The following TRIM2 variants were observed in gnomAD, a reference collection of about 807,000 sequenced individuals.
TRIM2 encodes the protein tripartite motif containing 2.
TRIM2 carries 20 observed loss-of-function variants against 75.2 expected under a neutral mutation model. The observed-to-expected ratio is 0.27, with a 90% CI of 0.19 to 0.39. The LOEUF (loss-of-function observed/expected upper bound fraction) is 0.39, where lower values mean the gene tolerates loss of function less well. Ranked by LOEUF, TRIM2 falls within the 10% of genes least tolerant of loss-of-function variation. The pLI is 1.00. For synonymous variants in TRIM2, 373 were observed against 388.3 expected (o/e 0.96, Z 0.46); for missense variants, 660 against 990.8 (o/e 0.67, Z 4.48).
intron 6 of TRIM2, among the ~76,000 whole-genome samples, chr4:153,297,196 G>T (rs1017244514): frequency 6.6e-6 from 1 of 152,162 alleles, no homozygotes; most frequent in East Asian, 1.9e-4. Flanking sequence ...TCTTCGCAAA[G>T]ACGGTGATAT....
chr4:153,213,327 T>C (rs1054853436), intron 1 of TRIM2, among the ~76,000 whole-genome samples: 1 of 152,252 alleles, frequency 6.6e-6, no homozygotes, highest in African/African-American at 2.4e-5. Flanking sequence ...AAAATATGTC[T>C]TCATGCTTCT....
At chr4:153,206,063 G>A (rs1018235794) in intron 1 of TRIM2, among the ~76,000 whole-genome samples, 51 of 152,220 alleles carry the variant, frequency 3.4e-4, no homozygotes, top group African/African-American at 1.1e-3. Flanking sequence ...CACCCTCCAG[G>A]CCCACCGCAG....
chr4:153,227,625 G>C (rs1178153503), intron 1 of TRIM2, among the ~76,000 whole-genome samples: 1 of 152,168 alleles, frequency 6.6e-6, no homozygotes, highest in Non-Finnish European at 1.5e-5. Flanking sequence ...CATTGAATGG[G>C]ATTTGCATCT....
At chr4:153,245,967 C>T (rs1157519205) in intron 1 of TRIM2, among the ~76,000 whole-genome samples, 1 of 152,196 alleles carries the variant, frequency 6.6e-6, no homozygotes, top group African/African-American at 2.4e-5. Context: ...GCATGAGGCA[C>T]CACACCCAGC....
chr4:153,318,823 T>C (rs1468738963), intron 8 of TRIM2, among the ~76,000 whole-genome samples: 2 of 152,180 alleles, frequency 1.3e-5, no homozygotes, highest in African/African-American at 2.4e-5. Flanking sequence ...TAGACACTCT[T>C]AGAAGAACTG....
upstream of TRIM2, among the ~76,000 whole-genome samples, chr4:153,200,825 A>G (rs186609784): frequency 5.2e-4 from 49 of 94,430 alleles, 1 homozygote; most frequent in Middle Eastern, 6.5e-3. Flanking sequence ...TATTGTTATT[A>G]TTTTTTAATA....
At chr4:153,249,463 T>C (rs1274048345) in intron 1 of TRIM2, among the ~76,000 whole-genome samples, 1 of 152,260 alleles carries the variant, frequency 6.6e-6, no homozygotes, top group African/African-American at 2.4e-5. Context: ...ATTTGGTCAG[T>C]AGAGAGGAAC....
rs1560873094 is a variant in TRIM2 at position 153,244,259 on chromosome 4, C to CCTCT, written c.31-26076_31-26075insCTCT. 2.6e-3 allele frequency among the ~76,000 whole-genome samples: 34 copies of CCTCT among 12,966 alleles called. 6 individuals carry two copies. The highest frequency in any genetic ancestry group is 5.1e-3 in the African/African-American group (19 of 3,702). The allele number at this position is 12,966 out of a possible 152,430, so 8.5% of individuals were successfully genotyped here. A position where few individuals can be genotyped will look rare whatever the true frequency, so the allele number is the denominator to read the frequency against. On this transcript the variant is annotated intron_variant, in intron 1 of 11. Transcript: ENST00000338700. ...CTCTTCTCCTTCCTCTTCTTTCCTC[C>CCTCT]TCCTCCTCCTCCTCCTCCTCCTCCT...
At chr4:153,216,073 A>G (rs1291235567) in intron 1 of TRIM2, among the ~76,000 whole-genome samples, 1 of 152,192 alleles carries the variant, frequency 6.6e-6, no homozygotes, top group African/African-American at 2.4e-5. Flanking sequence ...AGCAATTGAG[A>G]AAAATCACCA....
At chr4:153,284,012 G>A (rs1010205570) in intron 3 of TRIM2, among the ~76,000 whole-genome samples, 2 of 151,042 alleles carry the variant, frequency 1.3e-5, no homozygotes, top group Non-Finnish European at 1.5e-5. Flanking sequence ...TGGGATTACA[G>A]GTGCATGTCA....
At chr4:153,247,690 A>AAC (rs1749617326) in intron 1 of TRIM2, among the ~76,000 whole-genome samples, 1 of 150,514 alleles carries the variant, frequency 6.6e-6, no homozygotes, top group African/African-American at 2.5e-5. Context: ...AAAAAAAAAA[A>AAC]AAAAAAAAAA....
chr4:153,237,666 C>T (rs184348303), intron 1 of TRIM2, among the ~76,000 whole-genome samples: 23 of 151,144 alleles, frequency 1.5e-4, no homozygotes, highest in African/African-American at 5.4e-4. Context: ...GGCGACAGTG[C>T]GAGACTCCGA....
In TRIM2 at chr4:153,295,598, A is replaced by G; in HGVS notation, c.1072A>G (p.Thr358Ala). ...CGCCGTTGCCTCAGAGACAGTGGCC[A>G]CGGGCGAGGGGCTGCGGCAGACCAT... ...TNAVASETVA[T>A]GEGLRQTIIG... The change falls in exon 6 of 12, where the codon ACG (threonine) becomes GCG (alanine). Residue 358 changes from threonine to alanine, a missense_variant. This residue lies in a region of TRIM2 where 620 missense variants were observed against 891.0 expected (regional missense o/e 0.70). Transcript: ENST00000338700. This position sits in a 1 kb window ranked among gnomAD's most constrained non-coding sequence, Gnocchi z 7.2. The G allele has an allele frequency of 1.2e-6, 2 of 1,613,926 alleles. No individual in the cohort carries two copies. The highest frequency in any genetic ancestry group is 1.7e-6 in the Non-Finnish European group (2 of 1,179,972).
At chr4:153,306,047 C>T (rs1210165213) in intron 6 of TRIM2, among the ~76,000 whole-genome samples, 1 of 151,206 alleles carries the variant, frequency 6.6e-6, no homozygotes, top group African/African-American at 2.4e-5. Context: ...GAGAATCGCT[C>T]GAACCCGGGA....
intron 6 of TRIM2, among the ~76,000 whole-genome samples, chr4:153,300,398 G>C (rs1055701570): frequency 3.9e-5 from 6 of 152,030 alleles, no homozygotes; most frequent in African/African-American, 1.4e-4. Context: ...TCCCACTTCA[G>C]CCTCTCAAGT....
At chr4:153,184,316 C>A (rs1203268675) in intron 1 of TRIM2, among the ~76,000 whole-genome samples, 3 of 152,160 alleles carry the variant, frequency 2.0e-5, no homozygotes, top group African/African-American at 7.2e-5. Flanking sequence ...TGACTATGTG[C>A]TTACATGGCC....
chr4:153,304,410 G>A lies in TRIM2; in HGVS notation c.1510+8374G>A, dbSNP rs1010322608. ...ATTACAGGCGTGAGCCACCATGCCCGGCCCCTTGAGATGACATTTAAATTT... is the reference window on the plus strand; with the variant it reads ...ATTACAGGCGTGAGCCACCATGCCCAGCCCCTTGAGATGACATTTAAATTT... On this transcript the variant is annotated intron_variant, in intron 6 of 11. Transcript: ENST00000338700. Among the ~76,000 whole-genome samples, 10 of 152,124 alleles carry A rather than the reference G, an allele frequency of 6.6e-5. No homozygotes were observed. The East Asian group carries it at 1.5e-3, about 24-fold the overall frequency.
rs575888639 is a variant in TRIM2 at position 153,170,456 on chromosome 4, A to G, written c.-49+17186A>G. Among the ~76,000 whole-genome samples the G allele has an allele frequency of 4.6e-5, 7 of 152,206 alleles. No individual in the cohort carries two copies. In the East Asian group the frequency reaches 1.4e-3, roughly 29 times the overall value. ...GCATTGTGGCTATAAAAGGGGTGGT[A>G]TTGGGGGTGGCGGCAGGGAGCAGAT... On this transcript the variant is annotated intron_variant, in intron 1 of 11. Coordinates refer to the TRIM2 transcript ENST00000437508.
At chr4:153,195,131 T>G (rs987049943) in intron 1 of TRIM2, among the ~76,000 whole-genome samples, 1 of 152,174 alleles carries the variant, frequency 6.6e-6, no homozygotes, top group Non-Finnish European at 1.5e-5. Context: ...GTGATTGTCC[T>G]CATGAGAGAT....
Sources: allele counts gnomAD v4.1 joint callset (sites outside exome capture counted in the v4.1 genomes callset), GRCh38; gene constraint gnomAD v4.1.1; regional missense constraint gnomAD v4.1.1; non-coding constraint Gnocchi (gnomAD v3.1); transcripts MANE v1.5; gene names NCBI Gene and HGNC (gene_info 2026-07-23, HGNC 2026-07-21).